SLC18A1: variants seen among roughly 807,000 people sequenced by gnomAD.
SLC18A1 encodes chromaffin granule amine transporter.
In SLC18A1, 69 loss-of-function variants were observed where a neutral mutation model predicts 53.7. The ratio of observed to expected loss-of-function variants is 1.28; its 90% CI spans 1.06 to 1.57. SLC18A1 has a LOEUF of 1.57. Ranked by LOEUF, SLC18A1 falls within the 40% of genes most tolerant of loss-of-function variation. The pLI is 0.00. For synonymous variants in SLC18A1, 320 were observed against 248.1 expected, an observed-to-expected ratio of 1.29 and a Z score of -2.72; for missense variants, 932 against 668.1, an observed-to-expected ratio of 1.40 and a Z score of -4.35.
intron 13 of SLC18A1, 27 bp from the exon 14 acceptor site, chr8:20,147,749 T>A (rs1290437851): frequency 1.9e-6 from 3 of 1,607,670 alleles, no homozygotes; most frequent in Non-Finnish European, 2.5e-6. Flanking sequence ...CAGGACACAG[T>A]CAGCCCCACC....
intron 15 of SLC18A1, 66 bp from the exon 16 acceptor site, chr8:20,145,942 G>C: frequency 1.1e-6 from 1 of 894,546 alleles, no homozygotes; most frequent in South Asian, 2.0e-5. Context: ...TTGAGACGGA[G>C]TCTCGCTCTG....
intron 8 of SLC18A1, 66 bp from the exon 9 acceptor site, chr8:20,165,173 A>G (rs1364621699): frequency 7.2e-7 from 1 of 1,394,026 alleles, no homozygotes; most frequent in Non-Finnish European, 1.0e-6. Context: ...TTTTCACAGA[A>G]TCTGAGAAAG....
At chr8:20,159,582 G>A (rs369815846) in intron 10 of SLC18A1, among the ~76,000 whole-genome samples, 47 of 131,890 alleles carry the variant, frequency 3.6e-4, no homozygotes, top group Admixed American at 1.7e-3. Context: ...CCTTTGGGCC[G>A]CCTCCCATTA....
intron 10 of SLC18A1, among the ~76,000 whole-genome samples, chr8:20,154,865 G>A (rs1585196291): frequency 6.6e-6 from 1 of 152,148 alleles, no homozygotes; most frequent in East Asian, 1.9e-4. Context: ...TGCCATCACA[G>A]ACCCACCATT....
At position 20,147,606 on chromosome 8, in the gene SLC18A1, T is replaced by C; in HGVS notation, c.1327A>G (p.Ile443Val). The stretch of plus-strand genomic sequence containing the variant: ...GCACCAGGTCCTGCCAACATACCTA[T>C]AGCAAAGCCCATGCAAAAAGCCACA... Reference protein sequence around the residue: ...ADVAFCMGFAIGPSTGGAIVK... With the variant: ...ADVAFCMGFAVGPSTGGAIVK... The change falls in exon 14 of 16, where the codon ATA becomes GTA. Residue 443 changes from isoleucine to valine, a missense_variant. Ile to Val is a conservative substitution (Grantham distance 29). Coordinates refer to ENST00000276373, the MANE Select transcript of SLC18A1 (RefSeq NM_003053.4). 1.9e-6 allele frequency: 3 copies of C among 1,614,016 alleles called. No homozygotes were observed. Among genetic ancestry groups the C allele is most frequent in the Non-Finnish European group, 8.5e-7 (1 of 1,179,976 alleles).
chr8:20,159,134 T>C (rs1306019822), intron 10 of SLC18A1, among the ~76,000 whole-genome samples: 1 of 152,126 alleles, frequency 6.6e-6, no homozygotes, highest in Non-Finnish European at 1.5e-5. Context: ...TACAGACCCC[T>C]GGACTGGCCT....
chr8:20,150,870 A>T, intron 10 of SLC18A1, 126 bp from the exon 11 acceptor site: 2 of 816,894 alleles, frequency 2.4e-6, no homozygotes, highest in Non-Finnish European at 2.0e-6. Context: ...TTGTTTTATG[A>T]TCTGGGGACC....
chr8:20,169,540 G>C (rs1014841662), intron 8 of SLC18A1, among the ~76,000 whole-genome samples: 1 of 152,116 alleles, frequency 6.6e-6, no homozygotes, highest in African/African-American at 2.4e-5. Context: ...CTGTCAACTG[G>C]CTCAAAACAT....
chr8:20,168,424 T>G (rs1243593771), intron 8 of SLC18A1, among the ~76,000 whole-genome samples: 5 of 152,020 alleles, frequency 3.3e-5, no homozygotes, highest in Admixed American at 6.5e-5. Context: ...GACTCCATGA[T>G]TCTACACTGA....
intron 10 of SLC18A1, among the ~76,000 whole-genome samples, chr8:20,157,411 C>G (rs1251012566): frequency 1.3e-5 from 2 of 152,156 alleles, no homozygotes; most frequent in East Asian, 3.9e-4. Flanking sequence ...TAGGCAGTTC[C>G]TAGTGTAGAC....
At chr8:20,149,643 T>G in intron 12 of SLC18A1, 33 bp downstream of exon 12, 1 of 1,571,944 alleles carries the variant, frequency 6.4e-7, no homozygotes, top group Non-Finnish European at 8.8e-7. Flanking sequence ...GCTCTCTCTC[T>G]CCTTCCCCTC....
chr8:20,179,349 T>C lies in SLC18A1; in HGVS notation c.260A>G (p.Asn87Ser), dbSNP rs2072353352. 1 of 1,614,076 alleles carries C rather than the reference T, an allele frequency of 6.2e-7. No individual in the cohort carries two copies. Among genetic ancestry groups the C allele is most frequent in the Non-Finnish European group, 8.5e-7 (1 of 1,180,018 alleles). ...GCTTTCTTCAACAGCCACGGTGTTG[T>C]TGTTGAAGAAGGAGAAGATGGTGGA... ...AFSTIFSFFN[N>S]NTVAVEESVP... The change falls in exon 3 of 16, where the codon AAC (asparagine) becomes AGC (serine). Residue 87 changes from asparagine to serine, a missense_variant. Transcript: ENST00000276373.
intron 14 of SLC18A1, 23 bp from the exon 15 acceptor site, chr8:20,147,414 A>T (rs751130033): frequency 6.3e-7 from 1 of 1,596,522 alleles, no homozygotes; most frequent in East Asian, 2.2e-5. Flanking sequence ...CATCAAAGTC[A>T]TAAGTGTCTA....
chr8:20,174,090 A>T (rs1484868636), intron 5 of SLC18A1, among the ~76,000 whole-genome samples: 1 of 151,682 alleles, frequency 6.6e-6, no homozygotes, highest in South Asian at 2.1e-4. Context: ...TTTAATAGAA[A>T]TAGGGCTCTC....
At position 20,171,444 on chromosome 8, in the gene SLC18A1, G is replaced by A. The variant is rs1468555503; in HGVS notation, c.775C>T (p.Pro259Ser). ...GCCAGGAAGGCCAGGATGAGGAAGG[G>A]TGCAGACTTCCCAACAAACTCGTAC... ...VMYEFVGKSA[P>S]FLILAFLALL... The change falls in exon 7 of 16, where the codon CCC becomes TCC. Residue 259 changes from proline (P) to serine (S), a missense_variant. Physicochemically the swap from Pro to Ser is moderately conservative, Grantham distance 74. Coordinates refer to ENST00000276373, the MANE Select transcript of SLC18A1 (RefSeq NM_003053.4). The A allele has an allele frequency of 6.2e-7, 1 of 1,614,146 alleles. No individual in the cohort carries two copies.
At chr8:20,176,487 G>A (rs1212488468) in intron 4 of SLC18A1, among the ~76,000 whole-genome samples, 1 of 152,134 alleles carries the variant, frequency 6.6e-6, no homozygotes, top group Non-Finnish European at 1.5e-5. Flanking sequence ...CTCAATTCTA[G>A]GCAAACCAGG....
chr8:20,180,235 G>A (rs1315733538), intron 2 of SLC18A1, among the ~76,000 whole-genome samples: 3 of 151,898 alleles, frequency 2.0e-5, no homozygotes, highest in Admixed American at 1.3e-4. Context: ...TGAATAATGA[G>A]AAGTGATTGT....
intron 10 of SLC18A1, among the ~76,000 whole-genome samples, chr8:20,162,929 T>C (rs777436943): frequency 1.3e-5 from 2 of 152,218 alleles, no homozygotes; most frequent in African/African-American, 2.4e-5. Flanking sequence ...CAAAGCTGCT[T>C]CCATATTTTC....
chr8:20,147,648 C>G lies in SLC18A1; in HGVS notation c.1285G>C (p.Val429Leu). The change falls in exon 14 of 16, where the codon GTC becomes CTC. Residue 429 changes from valine (V) to leucine (L), a missense_variant. By Grantham distance (32) the Val-to-Leu change is conservative. Transcript: ENST00000276373. ...DLRHTSVYGSVYAIADVAFCM... is the reference protein window; with the variant it reads ...DLRHTSVYGSLYAIADVAFCM... Reference sequence around the variant, plus strand: ...AAAGCCACATCAGCGATGGCGTAGACACTCCCATACACCGAGGTGTGGCGT... The same window carrying G: ...AAAGCCACATCAGCGATGGCGTAGAGACTCCCATACACCGAGGTGTGGCGT... 6.2e-7 allele frequency: 1 copy of G among 1,614,090 alleles called. No homozygotes were observed. The highest frequency in any genetic ancestry group is 8.5e-7 in the Non-Finnish European group (1 of 1,180,002).
Sources: allele counts gnomAD v4.1 joint callset (sites outside exome capture counted in the v4.1 genomes callset), GRCh38; gene constraint gnomAD v4.1.1; transcripts MANE v1.5; gene names NCBI Gene and HGNC (gene_info 2026-07-23, HGNC 2026-07-21).